The following DPYD variants were observed in gnomAD, a reference collection of about 807,000 sequenced individuals.
DPYD encodes the protein dihydropyrimidine dehydrogenase, also known as dihydropyrimidine dehydrogenase [NADP(+)].
Under a neutral mutation model 116.2 loss-of-function variants are expected in DPYD, and 109 were observed. The observed-to-expected ratio is 0.94, with a 90% CI of 0.80 to 1.10. DPYD has a LOEUF of 1.10. Among genes scored for constraint, DPYD ranks in the 50% least tolerant of loss-of-function variants. The pLI is 0.00. For synonymous variants in DPYD, 440 were observed against 432.0 expected (o/e 1.02, Z -0.23); for missense variants, 1,302 against 1,254.5 (o/e 1.04, Z -0.57).
chr1:97,426,050 T>C (rs1473578813), intron 14 of DPYD, among the ~76,000 whole-genome samples: 1 of 152,088 alleles, frequency 6.6e-6, no homozygotes, highest in Middle Eastern at 3.2e-3. Context: ...TTTCATTTTT[T>C]CAAAATTAAA....
At chr1:97,317,850 C>A (rs11582955) in intron 16 of DPYD, among the ~76,000 whole-genome samples, 33,847 of 151,838 alleles carry the variant, frequency 0.22, 4,037 homozygotes, top group Non-Finnish European at 0.27. Flanking sequence ...TTTTAAATAA[C>A]CTATCAGAGA....
At chr1:97,643,411 C>G (rs1658052137) in intron 8 of DPYD, among the ~76,000 whole-genome samples, 1 of 152,050 alleles carries the variant, frequency 6.6e-6, no homozygotes, top group African/African-American at 2.4e-5. Context: ...GTTAGAATGG[C>G]AATCATTAAA....
intron 16 of DPYD, among the ~76,000 whole-genome samples, chr1:97,356,216 T>C (rs1488338145): frequency 6.6e-6 from 1 of 152,196 alleles, no homozygotes; most frequent in African/African-American, 2.4e-5. Context: ...CTATTGGTCA[T>C]TTGTGTTATT....
chr1:97,083,455 T>C (rs1319991012), intron 21 of DPYD, among the ~76,000 whole-genome samples: 1 of 152,126 alleles, frequency 6.6e-6, no homozygotes, highest in East Asian at 1.9e-4. Flanking sequence ...TAAATTATAA[T>C]ATACTCATTA....
chr1:97,652,129 G>C (rs762291598), intron 8 of DPYD, among the ~76,000 whole-genome samples: 42 of 152,072 alleles, frequency 2.8e-4, no homozygotes, highest in Non-Finnish European at 2.9e-5. Context: ...TCTATAAATA[G>C]TCATATAACC....
At chr1:97,237,291 T>C (rs1662010501) in intron 18 of DPYD, among the ~76,000 whole-genome samples, 1 of 149,936 alleles carries the variant, frequency 6.7e-6, no homozygotes, top group South Asian at 2.1e-4. Context: ...TTTCTTTTTA[T>C]CCTGTTCATA....
At chr1:97,347,442 C>A (rs958545220) in intron 16 of DPYD, among the ~76,000 whole-genome samples, 2 of 151,906 alleles carry the variant, frequency 1.3e-5, no homozygotes, top group African/African-American at 2.4e-5. Flanking sequence ...TGTTTTCTTT[C>A]GGTTAAGCCA....
chr1:97,650,244 T>C (rs1020348399), intron 8 of DPYD, among the ~76,000 whole-genome samples: 7 of 152,114 alleles, frequency 4.6e-5, no homozygotes, highest in Non-Finnish European at 1.0e-4. Context: ...AAGGACTCTA[T>C]CCTCTTTACT....
intron 20 of DPYD, among the ~76,000 whole-genome samples, chr1:97,127,519 C>A (rs1652941354): frequency 6.6e-6 from 1 of 152,110 alleles, no homozygotes; most frequent in African/African-American, 2.4e-5. Flanking sequence ...ATTCCACCTC[C>A]TTTTCCTATT....
chr1:97,246,814 G>C (rs1275118343), intron 18 of DPYD, among the ~76,000 whole-genome samples: 2 of 151,932 alleles, frequency 1.3e-5, no homozygotes, highest in Admixed American at 6.6e-5. Context: ...AAAATATCAA[G>C]TAAGGGAAGT....
At chr1:97,634,212 G>T (rs1657431730) in intron 8 of DPYD, among the ~76,000 whole-genome samples, 1 of 152,054 alleles carries the variant, frequency 6.6e-6, no homozygotes. Context: ...AAGCCAACAT[G>T]AATTTACAAA....
chr1:97,464,232 C>T (rs576369291), intron 13 of DPYD, among the ~76,000 whole-genome samples: 4,955 of 116,298 alleles, frequency 0.043, 257 homozygotes, highest in African/African-American at 0.15. Flanking sequence ...GAGCAAGACT[C>T]TGTCTCAAAA....
intron 2 of DPYD, among the ~76,000 whole-genome samples, chr1:97,833,501 G>A (rs998752065): frequency 6.6e-6 from 1 of 151,998 alleles, no homozygotes; most frequent in Admixed American, 6.6e-5. Flanking sequence ...AAAAAAAGGG[G>A]GAAGGCTAAG....
chr1:97,496,061 TC>T (rs1269897236), intron 13 of DPYD, among the ~76,000 whole-genome samples: 1 of 152,128 alleles, frequency 6.6e-6, no homozygotes, highest in Non-Finnish European at 1.5e-5. Flanking sequence ...CATGTTTTTC[TC>T]ATCTTATGTT....
intron 14 of DPYD, among the ~76,000 whole-genome samples, chr1:97,405,517 C>A (rs557387296): frequency 1.1e-4 from 17 of 151,186 alleles, no homozygotes; most frequent in African/African-American, 4.1e-4. Flanking sequence ...TTTATTTATT[C>A]TTTTGTTTGT....
chr1:97,227,043 T>C (rs893922260), intron 19 of DPYD, among the ~76,000 whole-genome samples: 3 of 151,958 alleles, frequency 2.0e-5, no homozygotes, highest in Admixed American at 1.3e-4. Context: ...AAAGCAATAA[T>C]TGGGCTGGGC....
chr1:97,800,351 C>A (rs571655626), intron 3 of DPYD, among the ~76,000 whole-genome samples: 2 of 151,848 alleles, frequency 1.3e-5, no homozygotes, highest in Non-Finnish European at 2.9e-5. Context: ...AGCCCCCTTG[C>A]AGTTCTTCCA....
intron 1 of DPYD, among the ~76,000 whole-genome samples, chr1:97,914,998 T>C (rs1674145045): frequency 1.3e-5 from 2 of 152,152 alleles, no homozygotes; most frequent in Non-Finnish European, 2.9e-5. Flanking sequence ...GTTTATATAA[T>C]GTACATGATA....
intron 11 of DPYD, among the ~76,000 whole-genome samples, chr1:97,564,937 A>G (rs145324397): frequency 7.2e-4 from 110 of 152,190 alleles, no homozygotes; most frequent in African/African-American, 2.5e-3. Flanking sequence ...CATTTGTATA[A>G]CAGTCAGGGT....
Sources: gnomAD v4.1 joint callset for allele counts (sites outside exome capture counted in the v4.1 genomes callset) on GRCh38, gnomAD v4.1.1 for gene constraint, MANE v1.5 for transcripts, NCBI Gene and HGNC (gene_info 2026-07-23, HGNC 2026-07-21) for gene names.